Variants in AFAP1L2 observed in about 807,000 individuals in gnomAD.
AFAP1L2 encodes actin filament-associated protein 1-like 2.
In AFAP1L2, 46 loss-of-function variants were observed where a neutral mutation model predicts 99.3. The observed-to-expected ratio is 0.46, with a 90% confidence interval of 0.37 to 0.59. The LOEUF is 0.59. Ranked by LOEUF, AFAP1L2 falls within the 20% of genes least tolerant of loss-of-function variation. AFAP1L2 has a pLI of 0.00. For missense variants in AFAP1L2, 959 were observed against 1,034.9 expected (o/e 0.93, Z 1.01); for synonymous variants, 397 against 419.1 (o/e 0.95, Z 0.64).
intron 2 of AFAP1L2, among the ~76,000 whole-genome samples, chr10:114,338,665 A>G (rs2048333231): frequency 6.6e-6 from 1 of 152,246 alleles, no homozygotes; most frequent in Non-Finnish European, 1.5e-5. Flanking sequence ...GAAGCCAGAC[A>G]TACAGTACAC....
the AFAP1L2 span, chr10:114,286,179 T>C: frequency 6.2e-7 from 1 of 1,614,026 alleles, no homozygotes; most frequent in Non-Finnish European, 8.5e-7. Context: ...CTCGATGGCA[T>C]TCCCTTCCGT....
rs563504775 is a variant in AFAP1L2, at chr10:114,316,638, A to C, written c.407-873T>G. Among the ~76,000 whole-genome samples the C allele has an allele frequency of 6.5e-3, 994 of 152,234 alleles. 9 individuals are homozygous for C. Among genetic ancestry groups the C allele is most frequent in the Admixed American group, 0.012 (177 of 15,286 alleles). ...GCCTCAGTTTCTAGTTTCTGCCCCC[A>C]CCACCCTGCAAGAGCTATTCTGTTC... On this transcript the variant is annotated intron_variant, in intron 5 of 18. Coordinates refer to ENST00000304129, the MANE Select transcript of AFAP1L2 (RefSeq NM_001001936.3).
At chr10:114,292,255 C>T (rs2039672151), downstream of AFAP1L2, among the ~76,000 whole-genome samples, 1 of 151,934 alleles carries the variant, frequency 6.6e-6, no homozygotes, top group Admixed American at 6.6e-5. Context: ...CCAGCCTGGG[C>T]AACAAGAGTA....
Position 114,377,057 on chromosome 10 carries a change from T to A in AFAP1L2, c.16+27383A>T, listed in dbSNP as rs772117951. Among the ~76,000 whole-genome samples, 1 of 152,202 alleles carries A rather than the reference T, an allele frequency of 6.6e-6. No individual in the cohort carries two copies. The highest frequency in any genetic ancestry group is 1.5e-5 in the Non-Finnish European group (1 of 68,040). Reference sequence around the variant, plus strand: ...GTGTTTTCAAATATCACTGGGGGCATTATACAAGACAAGGTCATAATACAT... The same window carrying A: ...GTGTTTTCAAATATCACTGGGGGCAATATACAAGACAAGGTCATAATACAT... On this transcript the variant is annotated intron_variant, in intron 1 of 18. Coordinates refer to ENST00000304129, the MANE Select transcript of AFAP1L2 (RefSeq NM_001001936.3). The surrounding 1 kb of genome is among the most constrained non-coding windows in gnomAD (Gnocchi z 4.0).
chr10:114,284,040 C>G, the AFAP1L2 span, among the ~76,000 whole-genome samples: 4 of 152,294 alleles, frequency 2.6e-5, no homozygotes, highest in South Asian at 8.3e-4. Context: ...TTCTGTAACC[C>G]TGGGAAGGAG....
At chr10:114,361,210 C>T (rs1004097935) in intron 1 of AFAP1L2, among the ~76,000 whole-genome samples, 8 of 152,138 alleles carry the variant, frequency 5.3e-5, no homozygotes, top group Admixed American at 1.3e-4. Flanking sequence ...TCCCACAACA[C>T]GTGGGAATTC....
Position 114,295,362 on chromosome 10 carries a change from GAC to G in AFAP1L2, c.*678_*679del. On this transcript the variant is annotated 3_prime_UTR_variant, in exon 19 of 19. Transcript: ENST00000304129. ...AGCATCACTTAAAATTTTATTTAAA[GAC>G]AGTTGATTCAGGCCTGCCTTGGACT... 6 of 985,592 alleles carry G rather than the reference GAC, an allele frequency of 6.1e-6. No individual in the cohort carries two copies. Among genetic ancestry groups the G allele is most frequent in the Non-Finnish European group, 7.2e-6 (6 of 829,722 alleles). 61.1% of individuals were successfully genotyped at this position (985,592 alleles called of 1,614,324 possible).
intron 1 of AFAP1L2, among the ~76,000 whole-genome samples, chr10:114,384,635 G>T (rs969476641): frequency 2.0e-5 from 3 of 152,242 alleles, no homozygotes; most frequent in Admixed American, 6.5e-5. Context: ...CAAGAGTCCA[G>T]GGCCATCCCA....
intron 13 of AFAP1L2, among the ~76,000 whole-genome samples, chr10:114,300,939 T>TA (rs2041058731): frequency 6.6e-6 from 1 of 152,126 alleles, no homozygotes; most frequent in Non-Finnish European, 1.5e-5. Flanking sequence ...CATCTTCCCA[T>TA]AAGGTGGTTA....
At chr10:114,310,075 C>G (rs1354194779) in intron 8 of AFAP1L2, among the ~76,000 whole-genome samples, 1 of 151,988 alleles carries the variant, frequency 6.6e-6, no homozygotes, top group Non-Finnish European at 1.5e-5. Context: ...TTACAGGCGC[C>G]CACCACCACG....
intron 2 of AFAP1L2, among the ~76,000 whole-genome samples, chr10:114,333,825 A>C (rs2047553020): frequency 6.6e-6 from 1 of 152,210 alleles, no homozygotes; most frequent in African/African-American, 2.4e-5. Flanking sequence ...AGAAAAAAAG[A>C]AAAGAAAAAA....
chr10:114,403,040 T>C (rs1317652014), intron 1 of AFAP1L2, among the ~76,000 whole-genome samples: 1 of 152,230 alleles, frequency 6.6e-6, no homozygotes, highest in Non-Finnish European at 1.5e-5. Context: ...CTTCCTCAAG[T>C]GTCTGAGACA....
intron 2 of AFAP1L2, among the ~76,000 whole-genome samples, chr10:114,338,552 T>C (rs932712985): frequency 7.2e-5 from 11 of 152,092 alleles, no homozygotes; most frequent in African/African-American, 2.7e-4. Flanking sequence ...CATCAGTAAG[T>C]GAAAGGATAA....
At chr10:114,285,387 C>T in the AFAP1L2 span, among the ~76,000 whole-genome samples, 3 of 152,246 alleles carry the variant, frequency 2.0e-5, no homozygotes, top group African/African-American at 7.2e-5. Flanking sequence ...CTTTACCTCA[C>T]TGGGTGGTTG....
At chr10:114,363,817 A>G (rs983034167) in intron 1 of AFAP1L2, among the ~76,000 whole-genome samples, 3 of 152,146 alleles carry the variant, frequency 2.0e-5, no homozygotes, top group South Asian at 4.1e-4. Flanking sequence ...TTCTACTCAC[A>G]TTGTTTTATT....
At chr10:114,296,507 G>A (rs558904217) in intron 18 of AFAP1L2, 52 of 215,378 alleles carry the variant, frequency 2.4e-4, no homozygotes, top group Non-Finnish European at 4.1e-4. Context: ...GGGAGAAACC[G>A]CATCATAGCA....
chr10:114,368,959 G>A (rs1337075242), intron 1 of AFAP1L2, among the ~76,000 whole-genome samples: 4 of 151,978 alleles, frequency 2.6e-5, no homozygotes, highest in Non-Finnish European at 5.9e-5. Context: ...ATAAAGCTAG[G>A]GGGGAAAAGA....
intron 11 of AFAP1L2, among the ~76,000 whole-genome samples, chr10:114,303,353 G>C (rs1261085095): frequency 1.3e-5 from 2 of 152,094 alleles, no homozygotes; most frequent in Non-Finnish European, 2.9e-5. Context: ...TGTCGCCCAG[G>C]CTGGAGTGCA....
intron 1 of AFAP1L2, chr10:114,363,273 T>A: frequency 1.4e-6 from 1 of 717,558 alleles, no homozygotes; most frequent in Non-Finnish European, 1.7e-6. Context: ...TTCTTTACCG[T>A]AACATGTAGC....
Sources: gnomAD v4.1 joint callset for allele counts (sites outside exome capture counted in the v4.1 genomes callset) on GRCh38, gnomAD v4.1.1 for gene constraint, Gnocchi (gnomAD v3.1) non-coding constraint, MANE v1.5 for transcripts, NCBI Gene and HGNC (gene_info 2026-07-23, HGNC 2026-07-21) for gene names.